ASB1: variants seen among roughly 807,000 people sequenced by gnomAD.
ASB1 encodes the protein ankyrin repeat and SOCS box protein 1.
A neutral mutation model predicts 27.7 loss-of-function variants in ASB1; 18 were observed. That is an observed-to-expected ratio of 0.65 (90% CI 0.45 to 0.96). The LOEUF (loss-of-function observed/expected upper bound fraction) is 0.96, where lower values mean the gene tolerates loss of function less well. ASB1 is among the 50% of genes least tolerant of loss of function. ASB1 has a pLI of 0.00. For synonymous variants in ASB1, 189 were observed against 187.6 expected, an observed-to-expected ratio of 1.01 and a Z score of -0.06; for missense variants, 397 against 451.7, an observed-to-expected ratio of 0.88 and a Z score of 1.10.
chr2:238,443,067 T>C (rs1702109852), intron 3 of ASB1, among the ~76,000 whole-genome samples: 1 of 152,248 alleles, frequency 6.6e-6, no homozygotes, highest in African/African-American at 2.4e-5. Flanking sequence ...GGGGATGCTA[T>C]TTTTATTTAT....
intron 1 of ASB1, 110 bp downstream of exon 1, chr2:238,427,229 G>A: frequency 1.2e-6 from 1 of 819,008 alleles, no homozygotes; most frequent in South Asian, 6.2e-5. Context: ...CCGGGTCCAC[G>A]GGGCAGCCAG....
In ASB1 at chr2:238,426,983, C is replaced by A; in HGVS notation, c.-88C>A. 9.0e-7 allele frequency: 1 copy of A among 1,115,872 alleles called. No homozygotes were observed. The highest frequency in any genetic ancestry group is 4.4e-5 in the South Asian group (1 of 22,620). The allele number at this position is 1,115,872 out of a possible 1,614,324, so 69.1% of individuals were successfully genotyped here. A position where few individuals can be genotyped will look rare whatever the true frequency, so the allele number is the denominator to read the frequency against. ...CGACCCCGACGCGCCCCCCATTGCC[C>A]TCGGCGCCGGAAGTGGTCGCGGGTC... On this transcript the variant is annotated 5_prime_UTR_variant, in exon 1 of 5. Coordinates refer to ENST00000264607, the MANE Select transcript of ASB1 (RefSeq NM_001040445.3).
At chr2:238,445,114 T>C (rs377169574) in intron 4 of ASB1, among the ~76,000 whole-genome samples, 17 of 151,704 alleles carry the variant, frequency 1.1e-4, no homozygotes, top group African/African-American at 3.6e-4. Flanking sequence ...CCCAAGTAGC[T>C]GGGACTGTAG....
At chr2:238,443,194 C>G (rs1702111882) in intron 3 of ASB1, among the ~76,000 whole-genome samples, 1 of 152,004 alleles carries the variant, frequency 6.6e-6, no homozygotes, top group South Asian at 2.1e-4. Context: ...TATGTCTTTC[C>G]ATTCTCTTAG....
chr2:238,438,622 C>G (rs1410084566), intron 3 of ASB1, among the ~76,000 whole-genome samples: 1 of 152,210 alleles, frequency 6.6e-6, no homozygotes, highest in African/African-American at 2.4e-5. Flanking sequence ...TTTCTATATT[C>G]TAAATTCTAA....
In ASB1 at chr2:238,441,650, G is replaced by A. The variant is rs115781703; in HGVS notation, c.495-2692G>A. 6.3e-3 allele frequency among the ~76,000 whole-genome samples: 961 copies of A among 152,270 alleles called. 5 individuals are homozygous for A. The highest frequency in any genetic ancestry group is 0.022 in the African/African-American group (910 of 41,544). On this transcript the variant is annotated intron_variant, in intron 3 of 4. Coordinates refer to ENST00000264607, the MANE Select transcript of ASB1 (RefSeq NM_001040445.3). Reference sequence around the variant, plus strand: ...AGGCTGCTCCGGAGCAGTGTACAGCGACCCCCTCACTCCTTTTCAGAGCTG... The same window carrying A: ...AGGCTGCTCCGGAGCAGTGTACAGCAACCCCCTCACTCCTTTTCAGAGCTG...
intron 3 of ASB1, among the ~76,000 whole-genome samples, chr2:238,443,231 A>G (rs1252521697): frequency 6.6e-6 from 1 of 152,128 alleles, no homozygotes; most frequent in Non-Finnish European, 1.5e-5. Flanking sequence ...TTTAAGTAGT[A>G]GTTTATCATT....
rs1294164507 is a variant in ASB1, at chr2:238,449,886, T to C, written c.*3375T>C. 2.0e-5 allele frequency: 3 copies of C among 152,240 alleles called. No homozygotes were observed. Among genetic ancestry groups the C allele is most frequent in the Admixed American group, 6.5e-5 (1 of 15,288 alleles). 9.4% of individuals were successfully genotyped at this position (152,240 alleles called of 1,614,324 possible). On this transcript the variant is annotated 3_prime_UTR_variant, in exon 5 of 5. Transcript: ENST00000264607. ...GAAGGAGAGGAAGATACAGCAGACA[T>C]AGGACTGAGCCAAGGAAGAGTCTGC...
In ASB1 at chr2:238,444,747, C is replaced by A; in HGVS notation, c.880+20C>A. The stretch of plus-strand genomic sequence containing the variant: ...CCAGAAGTAAGTGGCTTGAGTTCAG[C>A]TCTGACTTGTGGGCTGGGTTGATTG... On this transcript the variant is annotated intron_variant, in intron 4 of 4. Transcript: ENST00000264607. The A allele has an allele frequency of 6.3e-7, 1 of 1,578,380 alleles. No individual in the cohort carries two copies. Among genetic ancestry groups the A allele is most frequent in the South Asian group, 1.2e-5 (1 of 86,902 alleles).
At position 238,446,493 on chromosome 2, in the gene ASB1, G is replaced by T. The variant is rs762088329; in HGVS notation, c.990G>T (p.Lys330Asn). Residue 330 changes from lysine (K) to asparagine (N), a missense_variant, in exon 5 of 5, where the codon AAG becomes AAT. Coordinates refer to ENST00000264607, the MANE Select transcript of ASB1 (RefSeq NM_001040445.3). ...TGCCTCTGCCAGACCCCATAAAGAAGTTTCTACTCCATGAGTAGACTCCAA... is the reference window on the plus strand; with the variant it reads ...TGCCTCTGCCAGACCCCATAAAGAATTTTCTACTCCATGAGTAGACTCCAA... ...PSLPLPDPIK[K>N]FLLHE The T allele has an allele frequency of 3.7e-6, 6 of 1,613,990 alleles. No individual in the cohort carries two copies. In the East Asian group the frequency reaches 1.3e-4, roughly 36 times the overall value.
intron 3 of ASB1, among the ~76,000 whole-genome samples, chr2:238,436,666 T>C (rs1426267888): frequency 6.6e-6 from 1 of 152,122 alleles, no homozygotes; most frequent in Non-Finnish European, 1.5e-5. Context: ...GCTGGCTTCT[T>C]CTTATTTTTT....
At chr2:238,442,189 G>C (rs1346475067) in intron 3 of ASB1, among the ~76,000 whole-genome samples, 1 of 150,330 alleles carries the variant, frequency 6.7e-6, no homozygotes, top group African/African-American at 2.5e-5. Flanking sequence ...TACCATCTCA[G>C]CTCACTGCAA....
In ASB1 at chr2:238,450,427, C is replaced by T. The variant is rs978200692; in HGVS notation, c.*3916C>T. On this transcript the variant is annotated 3_prime_UTR_variant, in exon 5 of 5. Transcript: ENST00000264607. ...GGCAATATTTTTGCTTTTTGAAATG[C>T]TCTTGGTTGCAAAACAAAATGTTGG... 1 of 152,190 alleles carries T rather than the reference C, an allele frequency of 6.6e-6. No individual in the cohort carries two copies. Among genetic ancestry groups the T allele is most frequent in the African/African-American group, 2.4e-5 (1 of 41,446 alleles). 9.4% of individuals were successfully genotyped at this position (152,190 alleles called of 1,614,324 possible).
At position 238,450,066 on chromosome 2, in the gene ASB1, C is replaced by G. The variant is rs568454773; in HGVS notation, c.*3555C>G. ...GGGTCACATGGGAAGCAATGTGTTA[C>G]GCAAGCAGTCTCCATGTGTGTGTAA... On this transcript the variant is annotated 3_prime_UTR_variant, in exon 5 of 5. Transcript: ENST00000264607. The G allele has an allele frequency of 6.6e-6, 1 of 152,254 alleles. No homozygotes were observed. The highest frequency in any genetic ancestry group is 2.4e-5 in the African/African-American group (1 of 41,448). 9.4% of individuals were successfully genotyped at this position (152,254 alleles called of 1,614,324 possible).
intron 1 of ASB1, among the ~76,000 whole-genome samples, chr2:238,427,986 C>T (rs572841773): frequency 8.5e-5 from 13 of 152,330 alleles, no homozygotes; most frequent in African/African-American, 2.9e-4. Flanking sequence ...CTTTTCCATC[C>T]ATCCCTCCCT....
chr2:238,435,759 A>G lies in ASB1; in HGVS notation c.240A>G (p.Thr80=), dbSNP rs777322828. The G allele has an allele frequency of 8.7e-6, 14 of 1,613,770 alleles. No homozygotes were observed. The highest frequency in any genetic ancestry group is 3.3e-5 in the Admixed American group (2 of 60,000). The change falls in exon 3 of 5, where the codon ACA becomes ACG. Residue 80 remains threonine (T), a synonymous_variant. Transcript: ENST00000264607. ...GGTGCTGTGGCTGGCTCCCCTGCAC[A>G]CCGTTGCGAATCGCGGCCACTGCAG... ...SVWCCGWLPC[T]PLRIAATAGH...
chr2:238,438,448 C>T (rs1159193815), intron 3 of ASB1, among the ~76,000 whole-genome samples: 3 of 152,136 alleles, frequency 2.0e-5, no homozygotes, highest in Non-Finnish European at 4.4e-5. Flanking sequence ...GATCCGCCCG[C>T]CTCGGCCTCC....
Position 238,444,361 on chromosome 2 carries a change from G to A in ASB1, c.514G>A (p.Val172Ile), listed in dbSNP as rs781739770. 19 of 1,608,514 alleles carry A rather than the reference G, an allele frequency of 1.2e-5. No individual in the cohort carries two copies. Among genetic ancestry groups the A allele is most frequent in the Non-Finnish European group, 1.5e-5 (18 of 1,175,624 alleles). ...CTGCAGGTACGGGGCTGATGTTGAC[G>A]TCAACCACCACCTGACTCCTGATGT... The part of the protein sequence containing the change: ...ALIRYGADVD[V>I]NHHLTPDVQP... Residue 172 changes from valine to isoleucine, a missense_variant, in exon 4 of 5, where the codon GTC becomes ATC. By Grantham distance (29) the Val-to-Ile change is conservative (BLOSUM62 3). Coordinates refer to ENST00000264607, the MANE Select transcript of ASB1 (RefSeq NM_001040445.3).
chr2:238,444,449 C>A lies in ASB1; in HGVS notation c.602C>A (p.Ala201Asp). 6.2e-7 allele frequency: 1 copy of A among 1,614,214 alleles called. No homozygotes were observed. The highest frequency in any genetic ancestry group is 8.5e-7 in the Non-Finnish European group (1 of 1,180,040). ...GTCTGCCCCTTGTACATCAGCGCAG[C>A]CTACCACAACCTCCAGTGCTTCCGG... is the stretch of plus-strand genomic sequence containing the variant. ...LVVCPLYISA[A>D]YHNLQCFRLL... is the part of the protein sequence containing the mutation. The change falls in exon 4 of 5, where the codon GCC becomes GAC. Residue 201 changes from alanine to aspartate, a missense_variant. Ala to Asp is a moderately radical substitution (Grantham distance 126). Coordinates refer to ENST00000264607, the MANE Select transcript of ASB1 (RefSeq NM_001040445.3).
Sources: allele counts gnomAD v4.1 joint callset (sites outside exome capture counted in the v4.1 genomes callset), GRCh38; gene constraint gnomAD v4.1.1; transcripts MANE v1.5; gene names NCBI Gene and HGNC (gene_info 2026-07-23, HGNC 2026-07-21).